GSTCD: variants seen among roughly 807,000 people sequenced by gnomAD.
The protein encoded by GSTCD is glutathione S-transferase C-terminal domain-containing protein.
A neutral mutation model predicts 68.3 loss-of-function variants in GSTCD; 44 were observed. The ratio of observed to expected loss-of-function variants is 0.64; its 90% CI spans 0.51 to 0.83. The LOEUF (loss-of-function observed/expected upper bound fraction) is 0.83, where lower values mean the gene tolerates loss of function less well. Ranked by LOEUF, GSTCD falls within the 40% of genes least tolerant of loss-of-function variation. GSTCD has a pLI of 0.00. For synonymous variants in GSTCD, 273 were observed against 255.2 expected, an observed-to-expected ratio of 1.07 and a Z score of -0.67; for missense variants, 739 against 735.9, an observed-to-expected ratio of 1.00 and a Z score of -0.05.
Position 105,726,768 on chromosome 4 carries a change from G to A in GSTCD, c.1084G>A (p.Val362Ile). 2 of 1,613,834 alleles carry A rather than the reference G, an allele frequency of 1.2e-6. No homozygotes were observed. The highest frequency in any genetic ancestry group is 1.7e-6 in the Non-Finnish European group (2 of 1,179,760). Reference sequence around the variant, plus strand: ...TCCAAACTTATGTGAAGTCCCAGGTGTAGAAGAGCAAAGCGATCCTTTATT... The same window carrying A: ...TCCAAACTTATGTGAAGTCCCAGGTATAGAAGAGCAAAGCGATCCTTTATT... ...QHPNLCEVPG[V>I]EEQSDPLFIG... The change falls in exon 4 of 12, where the codon GTA (valine) becomes ATA (isoleucine). Residue 362 changes from valine to isoleucine, a missense_variant. Coordinates refer to ENST00000515279, the MANE Select transcript of GSTCD (RefSeq NM_001370181.1).
chr4:105,782,309 G>A (rs928888478), intron 5 of GSTCD, among the ~76,000 whole-genome samples: 1 of 152,096 alleles, frequency 6.6e-6, no homozygotes, highest in Non-Finnish European at 1.5e-5. Context: ...ACCAGCCTGG[G>A]CAACATAGCA....
At chr4:105,800,379 ATTGTGGGAG>A in intron 5 of GSTCD, among the ~76,000 whole-genome samples, 1 of 152,246 alleles carries the variant, frequency 6.6e-6, no homozygotes, top group Middle Eastern at 3.4e-3. Flanking sequence ...ACACGTGGGA[ATTGTGGGAG>A]TTATAATTCA....
At chr4:105,789,005 G>A (rs1246930386) in intron 5 of GSTCD, among the ~76,000 whole-genome samples, 1 of 152,010 alleles carries the variant, frequency 6.6e-6, no homozygotes, top group South Asian at 2.1e-4. Context: ...TAGAGATGAC[G>A]TGTCTTCAAG....
chr4:105,802,902 A>T (rs1016152271), intron 5 of GSTCD, among the ~76,000 whole-genome samples: 1 of 152,086 alleles, frequency 6.6e-6, no homozygotes, highest in African/African-American at 2.4e-5. Context: ...GAAGTCTCTG[A>T]TCTCTTGAAG....
intron 8 of GSTCD, among the ~76,000 whole-genome samples, chr4:105,830,577 G>A (rs970094274): frequency 6.6e-6 from 1 of 152,112 alleles, no homozygotes; most frequent in Non-Finnish European, 1.5e-5. Context: ...TATCATGGGA[G>A]AGGGAAGTCT....
intron 5 of GSTCD, among the ~76,000 whole-genome samples, chr4:105,785,444 A>G (rs921137100): frequency 1.3e-5 from 2 of 152,198 alleles, no homozygotes; most frequent in African/African-American, 4.8e-5. Flanking sequence ...AATACATCAT[A>G]TCAATAGTAT....
chr4:105,801,422 A>G (rs2149261853), intron 5 of GSTCD, among the ~76,000 whole-genome samples: 1 of 152,298 alleles, frequency 6.6e-6, no homozygotes, highest in Admixed American at 6.5e-5. Flanking sequence ...GGAGATATCA[A>G]GACGGAATGA....
At chr4:105,779,161 A>T (rs1408174569) in intron 5 of GSTCD, among the ~76,000 whole-genome samples, 1 of 152,172 alleles carries the variant, frequency 6.6e-6, no homozygotes, top group Non-Finnish European at 1.5e-5. Flanking sequence ...TATGTTTTAC[A>T]TGTAGTTGTC....
At chr4:105,733,032 T>C (rs1409938777) in intron 5 of GSTCD, among the ~76,000 whole-genome samples, 5 of 152,242 alleles carry the variant, frequency 3.3e-5, no homozygotes, top group African/African-American at 1.2e-4. Flanking sequence ...AGTTCTAGTT[T>C]GATTGCACTG....
chr4:105,748,049 G>A (rs879304762), intron 5 of GSTCD, among the ~76,000 whole-genome samples: 1 of 152,058 alleles, frequency 6.6e-6, no homozygotes, highest in Admixed American at 6.6e-5. Flanking sequence ...GAGGTCAGGA[G>A]TTCAAGACCA....
chr4:105,828,223 C>A (rs1408138294), intron 8 of GSTCD, among the ~76,000 whole-genome samples: 3 of 152,064 alleles, frequency 2.0e-5, no homozygotes, highest in African/African-American at 7.2e-5. Context: ...TGCTATTTTG[C>A]CCACAACATA....
chr4:105,819,454 T>C (rs2149272400), intron 5 of GSTCD, among the ~76,000 whole-genome samples: 1 of 151,940 alleles, frequency 6.6e-6, no homozygotes, highest in East Asian at 1.9e-4. Context: ...ACAGAAACTA[T>C]GTCTTCTTAT....
chr4:105,803,607 A>G (rs1037522059), intron 5 of GSTCD, among the ~76,000 whole-genome samples: 1 of 152,046 alleles, frequency 6.6e-6, no homozygotes, highest in Non-Finnish European at 1.5e-5. Flanking sequence ...GGTTATTTGT[A>G]ATAGCAGAAA....
At chr4:105,782,765 T>C (rs1735327837) in intron 5 of GSTCD, among the ~76,000 whole-genome samples, 1 of 152,146 alleles carries the variant, frequency 6.6e-6, no homozygotes. Context: ...GTATTTATAA[T>C]AGAGACGGGG....
At chr4:105,742,901 G>C (rs992783791) in intron 5 of GSTCD, among the ~76,000 whole-genome samples, 2 of 149,434 alleles carry the variant, frequency 1.3e-5, no homozygotes, top group Admixed American at 6.7e-5. Context: ...TTTGTGTAGA[G>C]ACGGAGGTCA....
At chr4:105,756,580 G>GTA (rs3055930) in intron 5 of GSTCD, among the ~76,000 whole-genome samples, 153 of 142,462 alleles carry the variant, frequency 1.1e-3, no homozygotes, top group African/African-American at 2.2e-3. Context: ...GTGTGTGTGT[G>GTA]TATATATATA....
Position 105,845,751 on chromosome 4 carries a change from CA to C in GSTCD, c.*177del. 1.6e-6 allele frequency: 1 copy of C among 620,498 alleles called. No homozygotes were observed. Among genetic ancestry groups the C allele is most frequent in the Non-Finnish European group, 2.8e-6 (1 of 357,340 alleles). 38.4% of individuals were successfully genotyped at this position (620,498 alleles called of 1,614,324 possible). A position where few individuals can be genotyped will look rare whatever the true frequency, so the allele number is the denominator to read the frequency against. ...AGTAAAGGCTCCCTGCAAAGCATCA[CA>C]AATGCTTTACAATGTGTGATTAAAG... On this transcript the variant is annotated 3_prime_UTR_variant, in exon 12 of 12. Transcript: ENST00000515279.
chr4:105,833,089 G>A (rs1723966192), intron 8 of GSTCD, among the ~76,000 whole-genome samples: 1 of 152,202 alleles, frequency 6.6e-6, no homozygotes, highest in Non-Finnish European at 1.5e-5. Flanking sequence ...ATTAAGAACA[G>A]AGATCTTGCT....
chr4:105,835,767 T>C (rs965965727), intron 9 of GSTCD, among the ~76,000 whole-genome samples: 4 of 152,122 alleles, frequency 2.6e-5, no homozygotes, highest in African/African-American at 9.7e-5. Context: ...TTGTCCCAAA[T>C]CGAGGAAGAA....
Sources: allele counts gnomAD v4.1 joint callset (sites outside exome capture counted in the v4.1 genomes callset), GRCh38; gene constraint gnomAD v4.1.1; transcripts MANE v1.5; gene names NCBI Gene and HGNC (gene_info 2026-07-23, HGNC 2026-07-21).